The following DLG2 variants were observed in gnomAD, a reference collection of about 807,000 sequenced individuals.
DLG2 encodes the protein disks large homolog 2.
DLG2 carries 45 observed loss-of-function variants against 132.5 expected under a neutral mutation model. The ratio of observed to expected loss-of-function variants is 0.34; its 90% confidence interval spans 0.27 to 0.44. The LOEUF (loss-of-function observed/expected upper bound fraction) is 0.44. Among genes scored for constraint, DLG2 ranks in the 20% least tolerant of loss-of-function variants. The probability of loss-of-function intolerance (pLI) is 1.00; values close to 1 mark genes in which losing one functional copy is unlikely to be tolerated. For missense variants in DLG2, 1,045 were observed against 1,196.9 expected, an observed-to-expected ratio of 0.87 and a Z score of 1.87; for synonymous variants, 424 against 419.6, an observed-to-expected ratio of 1.01 and a Z score of -0.13.
At chr11:84,797,974 A>T (rs2074874765) in intron 6 of DLG2, among the ~76,000 whole-genome samples, 1 of 152,146 alleles carries the variant, frequency 6.6e-6, no homozygotes. Context: ...AATTCTCTGG[A>T]TTACCAGGCA....
chr11:83,806,732 T>G (rs1175466652), intron 17 of DLG2, among the ~76,000 whole-genome samples: 2 of 152,102 alleles, frequency 1.3e-5, no homozygotes, highest in Admixed American at 1.3e-4. Context: ...GCTTGATGAA[T>G]CTCTTCCTCA....
At chr11:84,988,112 A>G (rs574227514) in intron 6 of DLG2, among the ~76,000 whole-genome samples, 1 of 152,320 alleles carries the variant, frequency 6.6e-6, no homozygotes, top group South Asian at 2.1e-4. Flanking sequence ...AAAAGAAGAT[A>G]TAAAAATGGC....
intron 14 of DLG2, among the ~76,000 whole-genome samples, chr11:83,952,069 G>C: frequency 6.6e-6 from 1 of 152,196 alleles, no homozygotes; most frequent in East Asian, 1.9e-4. Flanking sequence ...GACAAGCTGG[G>C]TGTGGTAGCT....
intron 8 of DLG2, among the ~76,000 whole-genome samples, chr11:84,247,334 C>T (rs1266770923): frequency 6.6e-6 from 1 of 152,116 alleles, no homozygotes; most frequent in East Asian, 1.9e-4. Context: ...GAACTGGATT[C>T]ACAAGCAGGC....
chr11:83,777,766 T>C (rs2094643139), intron 18 of DLG2, among the ~76,000 whole-genome samples: 1 of 152,222 alleles, frequency 6.6e-6, no homozygotes. Flanking sequence ...GGGTGAAAGA[T>C]AATTTCTGTG....
At chr11:84,276,131 T>C (rs983381577) in intron 7 of DLG2, among the ~76,000 whole-genome samples, 1 of 152,212 alleles carries the variant, frequency 6.6e-6, no homozygotes, top group Admixed American at 6.5e-5. Context: ...TAACCAATAT[T>C]ACCTTTAACC....
At chr11:85,065,854 T>C (rs190637187) in intron 6 of DLG2, among the ~76,000 whole-genome samples, 402 of 151,172 alleles carry the variant, frequency 2.7e-3, no homozygotes, top group Non-Finnish European at 3.2e-3. Context: ...TAAATGCCTA[T>C]GTAAAAAAAA....
chr11:83,845,658 G>A (rs1461939936), intron 16 of DLG2, among the ~76,000 whole-genome samples: 1 of 152,196 alleles, frequency 6.6e-6, no homozygotes, highest in Non-Finnish European at 1.5e-5. Context: ...CTGATACAGA[G>A]TTTATACTAA....
At chr11:83,689,946 T>C (rs1012677854) in intron 18 of DLG2, among the ~76,000 whole-genome samples, 1 of 138,428 alleles carries the variant, frequency 7.2e-6, no homozygotes, top group African/African-American at 2.7e-5. Context: ...TAATATATAT[T>C]ATATATATTT....
intron 3 of DLG2, among the ~76,000 whole-genome samples, chr11:85,535,073 ATT>A (rs2075488546): frequency 6.6e-6 from 1 of 152,090 alleles, no homozygotes; most frequent in South Asian, 2.1e-4. Flanking sequence ...TTTGACTTGT[ATT>A]TCTGTGATGA....
intron 14 of DLG2, among the ~76,000 whole-genome samples, chr11:83,937,945 G>T (rs75615270): frequency 0.065 from 9,838 of 152,084 alleles, 409 homozygotes; most frequent in East Asian, 0.14. Flanking sequence ...CCTGTCTTTT[G>T]GTTCAGCAAT....
At position 84,545,953 on chromosome 11, in the gene DLG2, G is replaced by A. The variant is rs545803594; in HGVS notation, c.358-11222C>T. Among the ~76,000 whole-genome samples, 169 of 151,888 alleles carry A rather than the reference G, an allele frequency of 1.1e-3. 1 individual carries two copies. Among genetic ancestry groups the A allele is most frequent in the Middle Eastern group, 3.4e-3 (1 of 294 alleles). ...TTATTTTTAGTAGAGATGGGGTTTC[G>A]CCATGTTGGCCAGGCTGGTCTTGAA... On this transcript the variant is annotated intron_variant, in intron 6 of 27. Transcript: ENST00000376104.
intron 10 of DLG2, among the ~76,000 whole-genome samples, chr11:84,085,866 T>C (rs2096970651): frequency 6.6e-6 from 1 of 152,212 alleles, no homozygotes; most frequent in East Asian, 1.9e-4. Context: ...TTCTTTCTTT[T>C]CTTGATTATA....
intron 15 of DLG2, among the ~76,000 whole-genome samples, chr11:83,917,655 C>T (rs975791825): frequency 5.9e-5 from 9 of 152,166 alleles, no homozygotes; most frequent in African/African-American, 2.2e-4. Flanking sequence ...TTCTTCCGCA[C>T]ATATCCTTGA....
At chr11:84,867,179 G>A (rs917074680) in intron 6 of DLG2, among the ~76,000 whole-genome samples, 1 of 152,182 alleles carries the variant, frequency 6.6e-6, no homozygotes, top group Non-Finnish European at 1.5e-5. Context: ...ACAGTAGAGT[G>A]AGAGACACAT....
chr11:84,948,352 G>C (rs1566481096), intron 6 of DLG2, among the ~76,000 whole-genome samples: 1 of 152,198 alleles, frequency 6.6e-6, no homozygotes, highest in East Asian at 1.9e-4. Context: ...CTGTCTGTCT[G>C]CTTTTCTGCA....
intron 6 of DLG2, among the ~76,000 whole-genome samples, chr11:84,717,823 CT>C (rs760690023): frequency 6.6e-6 from 1 of 152,042 alleles, no homozygotes; most frequent in Non-Finnish European, 1.5e-5. Context: ...ATAGTAAGTA[CT>C]GCATGCATCT....
intron 6 of DLG2, among the ~76,000 whole-genome samples, chr11:85,065,820 T>C (rs940530735): frequency 2.6e-5 from 4 of 151,028 alleles, no homozygotes; most frequent in Non-Finnish European, 5.9e-5. Flanking sequence ...GAAAAAGCAG[T>C]GCTAAGAGAA....
chr11:85,408,244 T>C (rs888799270), intron 3 of DLG2, among the ~76,000 whole-genome samples: 3 of 150,450 alleles, frequency 2.0e-5, no homozygotes, highest in Non-Finnish European at 4.4e-5. Context: ...ATACAGAGTT[T>C]AATCATAACT....
Sources: gnomAD v4.1 joint callset for allele counts (sites outside exome capture counted in the v4.1 genomes callset) on GRCh38, gnomAD v4.1.1 for gene constraint, MANE v1.5 for transcripts, NCBI Gene and HGNC (gene_info 2026-07-23, HGNC 2026-07-21) for gene names.